Variants in GABRA5 observed in about 807,000 individuals in gnomAD.
The protein encoded by GABRA5 is gamma-aminobutyric acid receptor subunit alpha-5.
A neutral mutation model predicts 47.3 loss-of-function variants in GABRA5; 18 were observed. That is an observed-to-expected ratio of 0.38 (90% CI 0.26 to 0.56). The LOEUF is 0.56. Among genes scored for constraint, GABRA5 ranks in the 20% least tolerant of loss-of-function variants. GABRA5 has a pLI of 0.71. For missense variants in GABRA5, 365 were observed against 599.3 expected, an observed-to-expected ratio of 0.61 and a Z score of 4.08; for synonymous variants, 237 against 229.3, an observed-to-expected ratio of 1.03 and a Z score of -0.30.
chr15:26,909,902 T>C (rs949304052), intron 6 of GABRA5, among the ~76,000 whole-genome samples: 3 of 152,210 alleles, frequency 2.0e-5, no homozygotes, highest in East Asian at 1.9e-4. Context: ...ACCTACTGCA[T>C]TGATGCAGGA....
chr15:26,930,101 C>G (rs1785272698), intron 7 of GABRA5, among the ~76,000 whole-genome samples: 1 of 151,558 alleles, frequency 6.6e-6, no homozygotes, highest in Non-Finnish European at 1.5e-5. Flanking sequence ...CAACCTCCAC[C>G]TCCCGGGTTC....
chr15:26,899,368 A>G (rs184659999), intron 6 of GABRA5, among the ~76,000 whole-genome samples: 14 of 152,316 alleles, frequency 9.2e-5, no homozygotes, highest in Admixed American at 9.1e-4. Context: ...CAGATTGTCT[A>G]TCCTGGGCAT....
intron 7 of GABRA5, among the ~76,000 whole-genome samples, chr15:26,934,213 C>T (rs1465591528): frequency 1.4e-5 from 2 of 141,642 alleles, no homozygotes; most frequent in African/African-American, 5.3e-5. Flanking sequence ...GATCGTGCCA[C>T]TGCACTCCAG....
intron 7 of GABRA5, among the ~76,000 whole-genome samples, chr15:26,930,006 C>CTTTTTTTTTT (rs72082419): frequency 6.1e-4 from 69 of 113,272 alleles, no homozygotes; most frequent in East Asian, 4.5e-3. Context: ...TCTTCTTCTT[C>CTTTTTTTTTT]TTTTTTTTTT....
chr15:26,897,237 G>A (rs1343027254), intron 6 of GABRA5, among the ~76,000 whole-genome samples: 1 of 152,010 alleles, frequency 6.6e-6, no homozygotes, highest in Non-Finnish European at 1.5e-5. Flanking sequence ...TTGGCGAAGG[G>A]GTTCTAAAGA....
chr15:26,880,992 C>A, intron 4 of GABRA5, 25 bp downstream of exon 4: 1 of 1,610,554 alleles, frequency 6.2e-7, no homozygotes, highest in Non-Finnish European at 8.5e-7. Context: ...CTCAGCTGAG[C>A]CCAGCAAGGA....
chr15:26,884,668 A>G (rs1892829256), intron 6 of GABRA5, among the ~76,000 whole-genome samples: 2 of 152,180 alleles, frequency 1.3e-5, no homozygotes, highest in Non-Finnish European at 1.5e-5. Context: ...GTTCTGGTGA[A>G]TACTGTAACA....
intron 7 of GABRA5, among the ~76,000 whole-genome samples, chr15:26,935,577 G>A (rs1266651108): frequency 1.3e-5 from 2 of 152,204 alleles, no homozygotes; most frequent in African/African-American, 4.8e-5. Context: ...ACTTGGCCTC[G>A]AGTCCAGGAG....
At position 26,879,161 on chromosome 15, in the gene GABRA5, A is replaced by G. The variant is rs572036507; in HGVS notation, c.87-1685A>G. Among the ~76,000 whole-genome samples, 11 of 152,346 alleles carry G rather than the reference A, an allele frequency of 7.2e-5. No individual in the cohort carries two copies. The South Asian group carries it at 2.3e-3, about 32-fold the overall frequency. On this transcript the variant is annotated intron_variant, in intron 3 of 10. Coordinates refer to ENST00000335625, the MANE Select transcript of GABRA5 (RefSeq NM_000810.4). Reference sequence around the variant, plus strand: ...TACTAGTACCTCAATTGGTAAGATAAAGAGACAGCAAAGACCTTCCAAAAA... The same window carrying G: ...TACTAGTACCTCAATTGGTAAGATAGAGAGACAGCAAAGACCTTCCAAAAA...
intron 6 of GABRA5, among the ~76,000 whole-genome samples, chr15:26,914,307 T>C (rs542019473): frequency 6.6e-6 from 1 of 152,320 alleles, no homozygotes; most frequent in South Asian, 2.1e-4. Context: ...CTGCACTAAA[T>C]GTACCACGTG....
intron 7 of GABRA5, among the ~76,000 whole-genome samples, chr15:26,925,404 T>A (rs1166205571): frequency 6.6e-6 from 1 of 152,228 alleles, no homozygotes; most frequent in Non-Finnish European, 1.5e-5. Flanking sequence ...TCATTTCCAA[T>A]CTGTTCTTAA....
chr15:26,928,009 C>T (rs868449747), intron 7 of GABRA5, among the ~76,000 whole-genome samples: 5 of 151,994 alleles, frequency 3.3e-5, no homozygotes, highest in Non-Finnish European at 7.4e-5. Flanking sequence ...GGTGTCCATT[C>T]GGAAGCAAAT....
intron 6 of GABRA5, among the ~76,000 whole-genome samples, chr15:26,909,802 T>C (rs1893535786): frequency 6.6e-6 from 1 of 152,228 alleles, no homozygotes; most frequent in South Asian, 2.1e-4. Flanking sequence ...GCCCTTTTGC[T>C]GAGTGAGGTA....
intron 3 of GABRA5, among the ~76,000 whole-genome samples, chr15:26,878,829 T>A (rs541264250): frequency 6.6e-6 from 1 of 152,252 alleles, no homozygotes. Context: ...CATAGCATTC[T>A]ATTCCGTCAC....
At chr15:26,878,490 C>G (rs1243182669) in intron 3 of GABRA5, among the ~76,000 whole-genome samples, 1 of 152,026 alleles carries the variant, frequency 6.6e-6, no homozygotes, top group East Asian at 1.9e-4. Context: ...GGGCCTCCAG[C>G]TCATGAAAAA....
intron 7 of GABRA5, among the ~76,000 whole-genome samples, chr15:26,931,739 G>A (rs1000066966): frequency 6.6e-6 from 1 of 152,180 alleles, no homozygotes; most frequent in Non-Finnish European, 1.5e-5. Context: ...GCTGAATCTG[G>A]TAGGATTTGA....
At chr15:26,910,821 C>G (rs945469875) in intron 6 of GABRA5, among the ~76,000 whole-genome samples, 1 of 151,904 alleles carries the variant, frequency 6.6e-6, no homozygotes, top group Non-Finnish European at 1.5e-5. Flanking sequence ...TTTTCTTTAT[C>G]GAAAAAGTGA....
intron 2 of GABRA5, 54 bp from the exon 3 acceptor site, chr15:26,869,121 T>G (rs763226972): frequency 1.5e-6 from 1 of 669,010 alleles, no homozygotes; most frequent in Non-Finnish European, 2.8e-6. Context: ...TTCCAGGAAC[T>G]GTGACACAAC....
intron 6 of GABRA5, among the ~76,000 whole-genome samples, chr15:26,885,380 A>G (rs77180503): frequency 0.11 from 16,574 of 151,900 alleles, 988 homozygotes; most frequent in East Asian, 0.16. Context: ...GCTTCAAAGC[A>G]TCTTTCTGGA....
Sources: gnomAD v4.1 joint callset for allele counts (sites outside exome capture counted in the v4.1 genomes callset) on GRCh38, gnomAD v4.1.1 for gene constraint, MANE v1.5 for transcripts, NCBI Gene and HGNC (gene_info 2026-07-23, HGNC 2026-07-21) for gene names.